MS4A7: variants seen among roughly 807,000 people sequenced by gnomAD.
MS4A7 encodes membrane-spanning 4-domains subfamily A member 7.
In MS4A7, 21 loss-of-function variants were observed where a neutral mutation model predicts 23.5. The observed-to-expected ratio is 0.89, with a 90% CI of 0.63 to 1.29. The LOEUF (loss-of-function observed/expected upper bound fraction) is 1.29. Ranked by LOEUF, MS4A7 falls within the 50% of genes most tolerant of loss-of-function variation. The pLI, the probability that MS4A7 is intolerant of heterozygous loss-of-function variation, is 0.00. For missense variants in MS4A7, 263 were observed against 274.2 expected (o/e 0.96, Z 0.29); for synonymous variants, 111 against 107.4 (o/e 1.03, Z -0.21).
At chr11:60,386,630 C>T (rs2085491383) in intron 3 of MS4A7, 87 bp from the exon 4 acceptor site, 1 of 1,120,624 alleles carries the variant, frequency 8.9e-7, no homozygotes, top group South Asian at 1.4e-5. Context: ...TTTCCAACAT[C>T]ACTTTTTGAT....
intron 1 of MS4A7, among the ~76,000 whole-genome samples, chr11:60,381,963 T>A (rs2085434608): frequency 6.6e-6 from 1 of 152,198 alleles, no homozygotes; most frequent in Non-Finnish European, 1.5e-5. Context: ...TGTTCTTCAC[T>A]CCACCCAAGA....
In MS4A7 at chr11:60,385,164, T is replaced by C. The variant is rs1447124406; in HGVS notation, c.224T>C (p.Phe75Ser). The stretch of plus-strand genomic sequence containing the variant: ...GTTTTTGCTCCCTACCCCTCCCACT[T>C]CAATCCAGCAATTTCCACCACTTTG... ...ILVFAPYPSHFNPAISTTLMS... is the reference protein window; with the variant it reads ...ILVFAPYPSHSNPAISTTLMS... Residue 75 changes from phenylalanine to serine, a missense_variant, in exon 3 of 7, where the codon TTC (phenylalanine) becomes TCC (serine). Transcript: ENST00000300184. The C allele has an allele frequency of 1.2e-6, 2 of 1,614,016 alleles. No individual in the cohort carries two copies. Among genetic ancestry groups the C allele is most frequent in the African/African-American group, 2.7e-5 (2 of 74,898 alleles).
chr11:60,380,040 C>G (rs2085412956), intron 1 of MS4A7, among the ~76,000 whole-genome samples: 1 of 152,228 alleles, frequency 6.6e-6, no homozygotes, highest in Admixed American at 6.5e-5. Context: ...CTAGGTGCCT[C>G]ACATAAGTAG....
rs141950944 is a variant in MS4A7, at chr11:60,383,548, T to C, written c.147+260T>C. The C allele has an allele frequency of 9.1e-3, 1,598 of 175,900 alleles. 83 individuals carry two copies. Among genetic ancestry groups the C allele is most frequent in the Admixed American group, 0.088 (1,429 of 16,204 alleles). The allele number at this position is 175,900 out of a possible 1,614,324, so 10.9% of individuals were successfully genotyped here. On this transcript the variant is annotated intron_variant, in intron 2 of 6. Transcript: ENST00000300184. ...TTCTTATTTTATTTATTTATATATT[T>C]ATTTATTTTGAGACAGAATCTCCCT... is the stretch of plus-strand genomic sequence containing the variant.
At chr11:60,388,028 A>C (rs1411158377) in intron 4 of MS4A7, among the ~76,000 whole-genome samples, 1 of 152,222 alleles carries the variant, frequency 6.6e-6, no homozygotes. Context: ...ACTGGAAGAC[A>C]ATGTATGTTG....
chr11:60,393,741 TCCGAAA>T (rs748308159), intron 6 of MS4A7, 40 bp from the exon 7 acceptor site: 14 of 1,476,472 alleles, frequency 9.5e-6, no homozygotes, highest in Non-Finnish European at 1.3e-5. Flanking sequence ...TTTTTTAATC[TCCGAAA>T]TCAAAGTTTA....
rs370040603 is a variant in MS4A7, at chr11:60,392,802, T to C, written c.648+16T>C. ...CAACCCTGGGGTGAGTATGCTGACATGTCGCCTGATACCTGCTGTGTCTCA... is the reference window on the plus strand; with the variant it reads ...CAACCCTGGGGTGAGTATGCTGACACGTCGCCTGATACCTGCTGTGTCTCA... On this transcript the variant is annotated intron_variant, in intron 6 of 6. Transcript: ENST00000300184. The C allele has an allele frequency of 2.4e-5, 37 of 1,548,666 alleles. No individual in the cohort carries two copies. The highest frequency in any genetic ancestry group is 8.4e-5 in the Admixed American group (5 of 59,842).
chr11:60,395,935 GA>G lies in MS4A7; in HGVS notation c.*2081del, dbSNP rs554410565. 9 of 151,976 alleles carry G rather than the reference GA, an allele frequency of 5.9e-5. No homozygotes were observed. Among genetic ancestry groups the G allele is most frequent in the Non-Finnish European group, 1.0e-4 (7 of 67,972 alleles). The allele number at this position is 151,976 out of a possible 1,614,324, so 9.4% of individuals were successfully genotyped here. A position where few individuals can be genotyped will look rare whatever the true frequency, so the allele number is the denominator to read the frequency against. On this transcript the variant is annotated 3_prime_UTR_variant, in exon 7 of 7. Transcript: ENST00000300184. ...TGTCAAATATACCTCAATAAAGATG[GA>G]AAAAAATCGAAATTCAAAGTTATCT...
intron 1 of MS4A7, among the ~76,000 whole-genome samples, chr11:60,379,557 GAGAA>G (rs1273904969): frequency 6.7e-6 from 1 of 148,770 alleles, no homozygotes; most frequent in Non-Finnish European, 1.5e-5. Context: ...TTTTTTAATT[GAGAA>G]AGAGTTTTGC....
At chr11:60,382,390 A>G (rs2085440479) in intron 1 of MS4A7, among the ~76,000 whole-genome samples, 1 of 152,242 alleles carries the variant, frequency 6.6e-6, no homozygotes, top group African/African-American at 2.4e-5. Flanking sequence ...GTGCCAGGCT[A>G]AGTACTTTAT....
rs1400553434 is a variant in MS4A7 at position 60,378,662 on chromosome 11, C to T, written c.-16C>T. On this transcript the variant is annotated splice_region_variant and 5_prime_UTR_variant, in exon 1 of 7. Coordinates refer to ENST00000300184, the MANE Select transcript of MS4A7 (RefSeq NM_021201.5). ...AGCACACAGGACCAGGCTGCGAGAA[C>T]AGGTAGACACCTTGGTTTAGATCAT... 6.6e-6 allele frequency: 1 copy of T among 152,254 alleles called. No homozygotes were observed. The highest frequency in any genetic ancestry group is 1.5e-5 in the Non-Finnish European group (1 of 68,058). The allele number at this position is 152,254 out of a possible 1,614,324, so 9.4% of individuals were successfully genotyped here.
At chr11:60,391,893 T>C (rs1590797991) in intron 5 of MS4A7, among the ~76,000 whole-genome samples, 3 of 140,650 alleles carry the variant, frequency 2.1e-5, no homozygotes, top group East Asian at 4.1e-4. Context: ...CACTCCAGAC[T>C]GGGTGACAGA....
In MS4A7 at chr11:60,395,062, ATTTC is replaced by A. The variant is rs1032263851; in HGVS notation, c.*1205_*1208del. On this transcript the variant is annotated 3_prime_UTR_variant, in exon 7 of 7. Coordinates refer to ENST00000300184, the MANE Select transcript of MS4A7 (RefSeq NM_021201.5). Reference sequence around the variant, plus strand: ...GCTCATGCTGAAAAGAATAATGTCTATTTCTTTGTTTGGGTATTAGCTCTATTTT... The same window carrying A: ...GCTCATGCTGAAAAGAATAATGTCTATTTGTTTGGGTATTAGCTCTATTTT... 26 of 540,218 alleles carry A rather than the reference ATTTC, an allele frequency of 4.8e-5. No individual in the cohort carries two copies. The highest frequency in any genetic ancestry group is 2.6e-4 in the Admixed American group (9 of 35,100). The allele number at this position is 540,218 out of a possible 1,614,324, so 33.5% of individuals were successfully genotyped here.
At chr11:60,388,846 T>C (rs2085518448) in intron 4 of MS4A7, among the ~76,000 whole-genome samples, 1 of 152,218 alleles carries the variant, frequency 6.6e-6, no homozygotes, top group African/African-American at 2.4e-5. Context: ...TGAACAAATA[T>C]TGATTGTCAA....
In MS4A7 at chr11:60,385,225, G is replaced by C; in HGVS notation, c.282+3G>C. On this transcript the variant is annotated splice_donor_region_variant and intron_variant, in intron 3 of 6. Coordinates refer to ENST00000300184, the MANE Select transcript of MS4A7 (RefSeq NM_021201.5). Reference sequence around the variant, plus strand: ...ACCCATTTTTAGGAGCTCTGTGTGTGAGTAGAATGGGGACTCTAAGAGGGG... The same window carrying C: ...ACCCATTTTTAGGAGCTCTGTGTGTCAGTAGAATGGGGACTCTAAGAGGGG... 6.2e-7 allele frequency: 1 copy of C among 1,614,076 alleles called. No individual in the cohort carries two copies. The highest frequency in any genetic ancestry group is 8.5e-7 in the Non-Finnish European group (1 of 1,179,988).
In MS4A7 at chr11:60,393,976, A is replaced by AT. The variant is rs2085582659; in HGVS notation, c.*115_*116insT. ...ACTGTGAAACAAACTAAAAAAAAAA[A>AT]AGCTTTTGTTTTGTATTTGTTTACT... On this transcript the variant is annotated 3_prime_UTR_variant, in exon 7 of 7. Coordinates refer to ENST00000300184, the MANE Select transcript of MS4A7 (RefSeq NM_021201.5). 1 of 588,464 alleles carries AT rather than the reference A, an allele frequency of 1.7e-6. No homozygotes were observed. The highest frequency in any genetic ancestry group is 3.5e-5 in the Admixed American group (1 of 28,364). The allele number at this position is 588,464 out of a possible 1,614,324, so 36.5% of individuals were successfully genotyped here. A position where few individuals can be genotyped will look rare whatever the true frequency, so the allele number is the denominator to read the frequency against.
chr11:60,390,003 T>A (rs1219542350), intron 5 of MS4A7: 1 of 247,102 alleles, frequency 4.0e-6, no homozygotes, highest in African/African-American at 2.3e-5. Context: ...TTTCCAGGGG[T>A]TGGATGCCCC....
At chr11:60,386,308 C>A (rs1028444356) in intron 3 of MS4A7, among the ~76,000 whole-genome samples, 2 of 152,218 alleles carry the variant, frequency 1.3e-5, no homozygotes, top group South Asian at 4.1e-4. Context: ...TGTTTCTGCA[C>A]CTTGTCCCAT....
intron 5 of MS4A7, among the ~76,000 whole-genome samples, chr11:60,391,778 G>A (rs2085553961): frequency 6.6e-6 from 1 of 151,966 alleles, no homozygotes; most frequent in African/African-American, 2.4e-5. Flanking sequence ...AATTAGTCAG[G>A]GAGGGTGGTA....
Sources: allele counts gnomAD v4.1 joint callset (sites outside exome capture counted in the v4.1 genomes callset), GRCh38; gene constraint gnomAD v4.1.1; transcripts MANE v1.5; gene names NCBI Gene and HGNC (gene_info 2026-07-23, HGNC 2026-07-21).